Variants in DAB1 observed in about 807,000 individuals in gnomAD.
DAB1 encodes the protein DAB adaptor protein 1, also known as disabled homolog 1.
A neutral mutation model predicts 64.6 loss-of-function variants in DAB1; 15 were observed. That is an observed-to-expected ratio of 0.23 (90% confidence interval 0.16 to 0.36). DAB1 has a LOEUF of 0.36. DAB1 is among the 10% of genes least tolerant of loss of function. DAB1 has a pLI of 1.00. For synonymous variants in DAB1, 235 were observed against 251.9 expected, an observed-to-expected ratio of 0.93 and a Z score of 0.64; for missense variants, 596 against 706.7, an observed-to-expected ratio of 0.84 and a Z score of 1.78.
At chr1:58,184,642 T>A (rs1309960903) in intron 4 of DAB1, among the ~76,000 whole-genome samples, 1 of 152,160 alleles carries the variant, frequency 6.6e-6, no homozygotes, top group Admixed American at 6.6e-5. Context: ...CTCCTGTCAA[T>A]TGGCTGGAAC....
chr1:57,256,600 C>T lies in DAB1; in HGVS notation c.67+34364G>A, dbSNP rs544177618. Among the ~76,000 whole-genome samples, 171 of 147,252 alleles carry T rather than the reference C, an allele frequency of 1.2e-3. 8 individuals are homozygous for T. In the South Asian group the frequency reaches 0.036, roughly 31 times the overall value. ...TCAGCCTGCTCTTACACATGTGACA[C>T]TCAACTTTCTAGACACCACAGATCT... On this transcript the variant is annotated intron_variant, in intron 2 of 14. Coordinates refer to ENST00000371236, the MANE Select transcript of DAB1 (RefSeq NM_001365792.1).
At chr1:58,139,435 G>T (rs1466819640) in intron 5 of DAB1, among the ~76,000 whole-genome samples, 1 of 152,142 alleles carries the variant, frequency 6.6e-6, no homozygotes, top group Non-Finnish European at 1.5e-5. Context: ...AAGCAAACAC[G>T]TCCTTCTTCA....
chr1:58,299,001 A>T (rs1268850034), intron 4 of DAB1, among the ~76,000 whole-genome samples: 2 of 152,214 alleles, frequency 1.3e-5, no homozygotes, highest in South Asian at 2.1e-4. Flanking sequence ...ATTCCAAAAA[A>T]TTCTGATTTT....
At chr1:58,169,706 C>T (rs1656057508) in intron 4 of DAB1, among the ~76,000 whole-genome samples, 1 of 152,180 alleles carries the variant, frequency 6.6e-6, no homozygotes, top group South Asian at 2.1e-4. Flanking sequence ...AGCTTACCCC[C>T]ATATCCTAGC....
At chr1:57,292,182 C>T (rs1672832598) in intron 1 of DAB1, among the ~76,000 whole-genome samples, 1 of 152,160 alleles carries the variant, frequency 6.6e-6, no homozygotes, top group Admixed American at 6.5e-5. Flanking sequence ...CGACTGACCT[C>T]AAATGCCAGT....
intron 3 of DAB1, among the ~76,000 whole-genome samples, chr1:58,434,674 G>A (rs1644922295): frequency 6.6e-6 from 1 of 152,162 alleles, no homozygotes; most frequent in Non-Finnish European, 1.5e-5. Context: ...CCAATACAGT[G>A]TGTGTAACGT....
At chr1:57,177,917 A>G (rs1443410164) in intron 2 of DAB1, among the ~76,000 whole-genome samples, 1 of 152,160 alleles carries the variant, frequency 6.6e-6, no homozygotes, top group Non-Finnish European at 1.5e-5. Context: ...TCTCTTGACT[A>G]TTCAGTTACT....
chr1:57,595,213 A>G (rs1230861217), intron 7 of DAB1, among the ~76,000 whole-genome samples: 1 of 149,844 alleles, frequency 6.7e-6, no homozygotes, highest in African/African-American at 2.5e-5. Flanking sequence ...ATTTAGAATA[A>G]TTATTTAGAT....
At chr1:57,097,676 A>G (rs1029305100) in intron 4 of DAB1, among the ~76,000 whole-genome samples, 1 of 152,234 alleles carries the variant, frequency 6.6e-6, no homozygotes, top group East Asian at 1.9e-4. Flanking sequence ...TACTTTAAGT[A>G]TTAATTCATC....
intron 7 of DAB1, among the ~76,000 whole-genome samples, chr1:57,546,884 C>T (rs976627364): frequency 2.6e-5 from 4 of 152,036 alleles, no homozygotes; most frequent in Non-Finnish European, 5.9e-5. Flanking sequence ...GGGCAGAATA[C>T]AGAATGTAAG....
chr1:57,277,838 C>A (rs890851644), intron 2 of DAB1, among the ~76,000 whole-genome samples: 1 of 152,168 alleles, frequency 6.6e-6, no homozygotes, highest in African/African-American at 2.4e-5. Flanking sequence ...TTCAGGTCTG[C>A]CATTCATCAT....
chr1:57,553,382 A>AAG (rs60491103), intron 7 of DAB1, among the ~76,000 whole-genome samples: 88,047 of 95,502 alleles, frequency 0.92, 41,647 homozygotes, highest in South Asian at 0.99. Context: ...GGAAGGAAGA[A>AAG]AGAGAAAGAA....
At chr1:57,209,787 A>G (rs1445127924) in intron 2 of DAB1, among the ~76,000 whole-genome samples, 1 of 152,038 alleles carries the variant, frequency 6.6e-6, no homozygotes, top group African/African-American at 2.4e-5. Context: ...AATGGCTCTC[A>G]ATTGTTTCTC....
intron 7 of DAB1, among the ~76,000 whole-genome samples, chr1:57,609,592 A>T: frequency 6.6e-6 from 1 of 152,150 alleles, no homozygotes. Context: ...TTTACTTGCC[A>T]TTGGCCACAT....
intron 1 of DAB1, among the ~76,000 whole-genome samples, chr1:57,421,654 T>C (rs1473361707): frequency 6.6e-6 from 1 of 151,980 alleles, no homozygotes; most frequent in Non-Finnish European, 1.5e-5. Context: ...AAGAGAGCCT[T>C]TGTGTATGGA....
Position 58,537,456 on chromosome 1 carries a change from A to C in DAB1, n.32+9247T>G, listed in dbSNP as rs149438714. ...CTCTTTACAACGTGAAAAAGGAGAGATAACAAGATCCTAGGTATTCATAAG... is the reference window on the plus strand; with the variant it reads ...CTCTTTACAACGTGAAAAAGGAGAGCTAACAAGATCCTAGGTATTCATAAG... On this transcript the variant is annotated intron_variant and non_coding_transcript_variant, in intron 1 of 20. Transcript: ENST00000485760. Among the ~76,000 whole-genome samples the C allele has an allele frequency of 2.4e-3, 367 of 152,328 alleles. 1 individual carries two copies. The highest frequency in any genetic ancestry group is 8.2e-3 in the African/African-American group (340 of 41,576).
At chr1:58,500,339 T>G (rs1645886316) in intron 3 of DAB1, among the ~76,000 whole-genome samples, 1 of 152,176 alleles carries the variant, frequency 6.6e-6, no homozygotes, top group East Asian at 1.9e-4. Flanking sequence ...AGGTGAACAG[T>G]GTATGTTTGT....
intron 9 of DAB1, among the ~76,000 whole-genome samples, chr1:57,046,323 C>T (rs1296031411): frequency 6.6e-6 from 1 of 152,204 alleles, no homozygotes; most frequent in African/African-American, 2.4e-5. Flanking sequence ...TTTCTCGCCT[C>T]CTTTCTAAGT....
chr1:57,215,264 G>A (rs1557955006), intron 2 of DAB1, among the ~76,000 whole-genome samples: 1 of 152,160 alleles, frequency 6.6e-6, no homozygotes, highest in Non-Finnish European at 1.5e-5. Flanking sequence ...TTCCAAATCA[G>A]AGTAAAGGCA....
Sources: allele counts gnomAD v4.1 joint callset (sites outside exome capture counted in the v4.1 genomes callset), GRCh38; gene constraint gnomAD v4.1.1; transcripts MANE v1.5; gene names NCBI Gene and HGNC (gene_info 2026-07-23, HGNC 2026-07-21).